The following FOXO1 variants were observed in gnomAD, a reference collection of about 807,000 sequenced individuals.
FOXO1 encodes the protein forkhead box O1, also known as forkhead box protein O1.
FOXO1 carries 6 observed loss-of-function variants against 44.1 expected under a neutral mutation model. That is an observed-to-expected ratio of 0.14 (90% CI 0.07 to 0.27). The LOEUF (loss-of-function observed/expected upper bound fraction) is 0.27, where lower values mean the gene tolerates loss of function less well. Among genes scored for constraint, FOXO1 ranks in the 10% least tolerant of loss-of-function variants. FOXO1 has a pLI of 1.00. For missense variants in FOXO1, 737 were observed against 888.8 expected (o/e 0.83, Z 2.17); for synonymous variants, 380 against 362.7 (o/e 1.05, Z -0.54).
At chr13:40,571,100 G>A (rs1414613074) in intron 1 of FOXO1, among the ~76,000 whole-genome samples, 1 of 152,058 alleles carries the variant, frequency 6.6e-6, no homozygotes, top group East Asian at 1.9e-4. Flanking sequence ...ATCAACCCTA[G>A]CTAATAAGGT....
intron 1 of FOXO1, among the ~76,000 whole-genome samples, chr13:40,644,183 G>A (rs574984292): frequency 6.6e-6 from 1 of 152,140 alleles, no homozygotes; most frequent in African/African-American, 2.4e-5. Context: ...CAGTGATCTC[G>A]AAGCAAGTTT....
Position 40,556,489 on chromosome 13 carries a change from T to C in FOXO1, c.*2560A>G, listed in dbSNP as rs1444014409. On this transcript the variant is annotated 3_prime_UTR_variant, in exon 3 of 3. Coordinates refer to ENST00000379561, the MANE Select transcript of FOXO1 (RefSeq NM_002015.4). ...AAATCAAACAAGGCTGCATAGGTGATATCATTTGCACATTTCACAAAGCAA... is the reference window on the plus strand; with the variant it reads ...AAATCAAACAAGGCTGCATAGGTGACATCATTTGCACATTTCACAAAGCAA... 6.5e-6 allele frequency: 1 copy of C among 152,682 alleles called. No homozygotes were observed. Among genetic ancestry groups the C allele is most frequent in the Non-Finnish European group, 1.5e-5 (1 of 68,036 alleles). 9.5% of individuals were successfully genotyped at this position (152,682 alleles called of 1,614,324 possible).
chr13:40,619,418 C>T (rs1310782849), intron 1 of FOXO1: 5 of 984,724 alleles, frequency 5.1e-6, no homozygotes, highest in Non-Finnish European at 1.6e-6. Flanking sequence ...GGAAATGCAA[C>T]TCAAAGTGGA....
intron 1 of FOXO1, among the ~76,000 whole-genome samples, chr13:40,641,516 T>C (rs1034170240): frequency 6.6e-6 from 1 of 152,082 alleles, no homozygotes; most frequent in Non-Finnish European, 1.5e-5. Flanking sequence ...TGTCAGTATG[T>C]GCATTAATTG....
chr13:40,598,472 A>T (rs1022121953), intron 1 of FOXO1, among the ~76,000 whole-genome samples: 9 of 152,176 alleles, frequency 5.9e-5, no homozygotes, highest in African/African-American at 2.2e-4. Flanking sequence ...AAAACAAACT[A>T]ATGAAATCAA....
chr13:40,656,256 T>C (rs1429697324), intron 1 of FOXO1, among the ~76,000 whole-genome samples: 2 of 152,222 alleles, frequency 1.3e-5, no homozygotes, highest in Admixed American at 6.5e-5. Flanking sequence ...GGATATCTAA[T>C]ATTTAGCTAA....
chr13:40,643,015 T>C (rs561788925), intron 1 of FOXO1, among the ~76,000 whole-genome samples: 1 of 152,266 alleles, frequency 6.6e-6, no homozygotes, highest in African/African-American at 2.4e-5. Context: ...TTCAAAATTG[T>C]TAATGTTTCT....
At chr13:40,578,450 C>G (rs1484912229) in intron 1 of FOXO1, among the ~76,000 whole-genome samples, 1 of 152,162 alleles carries the variant, frequency 6.6e-6, no homozygotes, top group African/African-American at 2.4e-5. Context: ...CTGCAGCCAG[C>G]CTCCCATCCC....
chr13:40,584,502 G>GCA lies in FOXO1; in HGVS notation c.631-23643_631-23642insTG, dbSNP rs778671061. On this transcript the variant is annotated intron_variant, in intron 1 of 2. Transcript: ENST00000379561. ...AAAAAAAAAAAAAAAAAAAAAAAAA[G>GCA]CCAGATGCAGTGGCACGTGTCTATA... is the stretch of plus-strand genomic sequence containing the variant. Among the ~76,000 whole-genome samples the GCA allele has an allele frequency of 2.0e-4, 11 of 55,060 alleles. 2 individuals carry two copies. The highest frequency in any genetic ancestry group is 7.6e-4 in the African/African-American group (11 of 14,440). The allele number at this position is 55,060 out of a possible 152,430, so 36.1% of individuals were successfully genotyped here.
At chr13:40,603,816 TA>T (rs1301475768) in intron 1 of FOXO1, among the ~76,000 whole-genome samples, 4 of 152,226 alleles carry the variant, frequency 2.6e-5, no homozygotes, top group African/African-American at 9.6e-5. Flanking sequence ...TCATATTTAA[TA>T]ACTAACTTTT....
intron 1 of FOXO1, among the ~76,000 whole-genome samples, chr13:40,578,854 A>G (rs945413939): frequency 6.6e-5 from 10 of 152,214 alleles, no homozygotes; most frequent in Non-Finnish European, 1.5e-4. Context: ...GTGGGATCAC[A>G]TGCATGCACA....
intron 1 of FOXO1, among the ~76,000 whole-genome samples, chr13:40,643,147 G>C (rs1671435797): frequency 6.6e-6 from 1 of 152,042 alleles, no homozygotes; most frequent in Admixed American, 6.6e-5. Context: ...TTTGAGACCA[G>C]CCTGGCCAAC....
At chr13:40,623,704 G>A (rs1876692192) in intron 1 of FOXO1, among the ~76,000 whole-genome samples, 1 of 152,048 alleles carries the variant, frequency 6.6e-6, no homozygotes. Flanking sequence ...CACTATATCT[G>A]GAGAACTAGA....
chr13:40,608,723 G>T lies in FOXO1; in HGVS notation c.631-47863C>A, dbSNP rs1008817490. ...AAAAGAACATTGTCTACAAATTGAA[G>T]TGTCATCTCCAAGGCTTTTCCTGAT... On this transcript the variant is annotated intron_variant, in intron 1 of 2. Coordinates refer to ENST00000379561, the MANE Select transcript of FOXO1 (RefSeq NM_002015.4). Among the ~76,000 whole-genome samples the T allele has an allele frequency of 3.3e-5, 5 of 152,130 alleles. No individual in the cohort carries two copies. The East Asian group carries it at 5.8e-4, about 18-fold the overall frequency.
chr13:40,565,515 T>A (rs1399898713), intron 1 of FOXO1, among the ~76,000 whole-genome samples: 1 of 152,182 alleles, frequency 6.6e-6, no homozygotes, highest in Non-Finnish European at 1.5e-5. Context: ...CCCCTCTTTA[T>A]GATTCCACTA....
rs756118539 is a variant in FOXO1 at position 40,625,172 on chromosome 13, T to A, written c.630+40411A>T. Among the ~76,000 whole-genome samples, 106 of 152,180 alleles carry A rather than the reference T, an allele frequency of 7.0e-4. 1 individual carries two copies. Among genetic ancestry groups the A allele is most frequent in the Admixed American group, 1.3e-3 (20 of 15,276 alleles). Reference sequence around the variant, plus strand: ...AATTAACATATTATGTTAATCTGGATTCAACGTGGGGAAAAAAGAGGAAAT... The same window carrying A: ...AATTAACATATTATGTTAATCTGGAATCAACGTGGGGAAAAAAGAGGAAAT... On this transcript the variant is annotated intron_variant, in intron 1 of 2. Coordinates refer to ENST00000379561, the MANE Select transcript of FOXO1 (RefSeq NM_002015.4).
chr13:40,567,141 G>C (rs967661698), intron 1 of FOXO1, among the ~76,000 whole-genome samples: 3 of 151,974 alleles, frequency 2.0e-5, no homozygotes, highest in East Asian at 3.9e-4. Context: ...CCACCTGTCA[G>C]CCACGGGTCT....
rs9577094 is a variant in FOXO1 at position 40,654,755 on chromosome 13, G to C, written c.630+10828C>G. 1.1e-3 allele frequency among the ~76,000 whole-genome samples: 160 copies of C among 152,086 alleles called. 4 individuals are homozygous for C. In the East Asian group the frequency reaches 0.019, roughly 18 times the overall value. On this transcript the variant is annotated intron_variant, in intron 1 of 2. Coordinates refer to ENST00000379561, the MANE Select transcript of FOXO1 (RefSeq NM_002015.4). ...GAGGGGTGCTGCAGTGTAGACCAAGGGGCCACGACACTTTAGAGGTGGTAC... is the reference window on the plus strand; with the variant it reads ...GAGGGGTGCTGCAGTGTAGACCAAGCGGCCACGACACTTTAGAGGTGGTAC...
At chr13:40,648,479 T>G (rs531911671) in intron 1 of FOXO1, among the ~76,000 whole-genome samples, 88 of 152,350 alleles carry the variant, frequency 5.8e-4, no homozygotes, top group Middle Eastern at 6.8e-3. Context: ...TGTTAGCATT[T>G]TCTTATTATT....
Sources: gnomAD v4.1 joint callset for allele counts (sites outside exome capture counted in the v4.1 genomes callset) on GRCh38, gnomAD v4.1.1 for gene constraint, MANE v1.5 for transcripts, NCBI Gene and HGNC (gene_info 2026-07-23, HGNC 2026-07-21) for gene names.